The following DHX8 variants were observed in gnomAD, a reference collection of about 807,000 sequenced individuals.
The protein encoded by DHX8 is ATP-dependent RNA helicase DHX8.
In DHX8, 67 loss-of-function variants were observed where a neutral mutation model predicts 140.7. The ratio of observed to expected loss-of-function variants is 0.48; its 90% CI spans 0.39 to 0.58. The LOEUF (loss-of-function observed/expected upper bound fraction) is 0.58. DHX8 is among the 20% of genes least tolerant of loss of function. DHX8 has a pLI of 0.00. For missense variants in DHX8, 887 were observed against 1,550.7 expected, an observed-to-expected ratio of 0.57 and a Z score of 7.19; for synonymous variants, 533 against 553.2, an observed-to-expected ratio of 0.96 and a Z score of 0.51.
chr17:43,544,798 T>C (rs541338496), downstream of DHX8: 4 of 605,092 alleles, frequency 6.6e-6, no homozygotes, highest in South Asian at 8.0e-5. Context: ...AATATAAGTG[T>C]CCACGCTGGG....
At chr17:43,511,456 A>ATTTGTTTTTTTTTTTTTTTTT (rs1969822249) in intron 16 of DHX8, among the ~76,000 whole-genome samples, 1 of 56,790 alleles carries the variant, frequency 1.8e-5, no homozygotes, top group Non-Finnish European at 2.9e-5. Flanking sequence ...TGATCCCAGC[A>ATTTGTTTTTTTTTTTTTTTTT]TTTTTTTTTT....
intron 16 of DHX8, among the ~76,000 whole-genome samples, 185 bp downstream of exon 16, chr17:43,508,705 C>T (rs1363913800): frequency 1.3e-5 from 2 of 151,664 alleles, no homozygotes; most frequent in African/African-American, 2.4e-5. Flanking sequence ...CTGCAAGCTC[C>T]GCCTCCCGGG....
chr17:43,513,885 C>T (rs1291726688), intron 17 of DHX8, among the ~76,000 whole-genome samples: 1 of 151,658 alleles, frequency 6.6e-6, no homozygotes, highest in Admixed American at 6.6e-5. Flanking sequence ...AGCTAATTTT[C>T]TATTTTTAGT....
intron 4 of DHX8, 52 bp from the exon 5 acceptor site, chr17:43,492,131 C>T (rs1221083572): frequency 3.7e-5 from 48 of 1,281,782 alleles, no homozygotes; most frequent in Non-Finnish European, 5.4e-5. Flanking sequence ...GAGGTACATA[C>T]AGATTCTTGA....
chr17:43,487,716 C>G (rs1968250188), intron 1 of DHX8, among the ~76,000 whole-genome samples: 1 of 152,138 alleles, frequency 6.6e-6, no homozygotes, highest in South Asian at 2.1e-4. Flanking sequence ...GTGGCTCATG[C>G]CTGTAATCCC....
intron 11 of DHX8, among the ~76,000 whole-genome samples, chr17:43,502,427 G>A (rs933779535): frequency 1.4e-4 from 22 of 152,124 alleles, no homozygotes; most frequent in African/African-American, 5.3e-4. Context: ...TTTTAGTTTA[G>A]TTTAGTTTAG....
downstream of DHX8, chr17:43,544,691 A>C (rs1971710625): frequency 3.2e-6 from 1 of 313,104 alleles, no homozygotes; most frequent in African/African-American, 2.1e-5. Flanking sequence ...GCCTGGGGCC[A>C]AGTTCCATTC....
chr17:43,498,698 C>T (rs150696664), intron 9 of DHX8, among the ~76,000 whole-genome samples, 164 bp from the exon 10 acceptor site: 1 of 152,320 alleles, frequency 6.6e-6, no homozygotes, highest in African/African-American at 2.4e-5. Flanking sequence ...ATCCTCCTGC[C>T]TCAGCCTGCC....
chr17:43,502,417 T>TTTTAG (rs1044166157), intron 11 of DHX8, among the ~76,000 whole-genome samples: 27 of 152,194 alleles, frequency 1.8e-4, no homozygotes, highest in African/African-American at 5.8e-4. Flanking sequence ...TGTTTTGTTA[T>TTTTAG]TTTAGTTTAG....
At chr17:43,533,569 G>A (rs766985822) in intron 2 of DHX8, among the ~76,000 whole-genome samples, 12 of 151,946 alleles carry the variant, frequency 7.9e-5, no homozygotes, top group Non-Finnish European at 1.8e-4. Flanking sequence ...GAACCCCTGG[G>A]ATTCATACAG....
chr17:43,507,078 C>A lies in DHX8; in HGVS notation c.1804C>A (p.Leu602Met). Residue 602 changes from leucine to methionine, a missense_variant, in exon 13 of 23, where the codon CTG (leucine) becomes ATG (methionine). By Grantham distance (15) the Leu-to-Met change is conservative. Coordinates refer to ENST00000262415, the MANE Select transcript of DHX8 (RefSeq NM_004941.3). ...SGKTTQITQY[L>M]AEAGYTSRGK... ...AAAGACAACACAGATCACCCAGTAC[C>A]TGGCGGAGGCAGGCTACACTTCCAG... 1 of 1,614,066 alleles carries A rather than the reference C, an allele frequency of 6.2e-7. No homozygotes were observed. The highest frequency in any genetic ancestry group is 8.5e-7 in the Non-Finnish European group (1 of 1,180,010).
intron 12 of DHX8, among the ~76,000 whole-genome samples, chr17:43,505,587 G>A (rs1203650744): frequency 2.0e-5 from 3 of 152,000 alleles, no homozygotes; most frequent in Non-Finnish European, 2.9e-5. Flanking sequence ...TTGTGTGTGC[G>A]TGTACAGACA....
At chr17:43,543,072 G>C (rs1484576652) in intron 3 of DHX8, among the ~76,000 whole-genome samples, 1 of 152,052 alleles carries the variant, frequency 6.6e-6, no homozygotes, top group Admixed American at 6.6e-5. Flanking sequence ...AAGTGAGAAG[G>C]AGCGATCGGC....
In DHX8 at chr17:43,507,829, C is replaced by T. The variant is rs62080715; in HGVS notation, c.2130C>T (p.Asp710=). The T allele has an allele frequency of 6.2e-7, 1 of 1,614,188 alleles. No homozygotes were observed. The highest frequency in any genetic ancestry group is 8.5e-7 in the Non-Finnish European group (1 of 1,180,038). ...TTCAGACAGTTCAGAAACGGCAGGA[C>T]ATGAAGCTGATTGTCACCTCAGCCA... is the stretch of plus-strand genomic sequence containing the variant. The part of the protein sequence containing the change: ...LLKKTVQKRQ[D]MKLIVTSATL... Residue 710 remains aspartate, a synonymous_variant, in exon 15 of 23, where the codon GAC becomes GAT. Coordinates refer to ENST00000262415, the MANE Select transcript of DHX8 (RefSeq NM_004941.3).
intron 1 of DHX8, 125 bp downstream of exon 1, chr17:43,484,310 C>T: frequency 8.4e-7 from 1 of 1,185,340 alleles, no homozygotes; most frequent in Non-Finnish European, 1.2e-6. Flanking sequence ...CTCTCTGTCG[C>T]AGACACCGGT....
At chr17:43,513,319 G>A (rs1409112264) in intron 16 of DHX8, 43 bp from the exon 17 acceptor site, 7 of 1,602,532 alleles carry the variant, frequency 4.4e-6, no homozygotes, top group Non-Finnish European at 6.0e-6. Context: ...CCTCAGGGCT[G>A]AGCCTGGGCA....
chr17:43,489,459 G>C lies in DHX8; in HGVS notation c.159G>C (p.Val53=). 1.2e-6 allele frequency: 2 copies of C among 1,604,596 alleles called. No individual in the cohort carries two copies. The highest frequency in any genetic ancestry group is 8.5e-7 in the Non-Finnish European group (1 of 1,176,392). Residue 53 remains valine, a synonymous_variant, in exon 2 of 23, where the codon GTG becomes GTC. Transcript: ENST00000262415. The part of the protein sequence containing the change: ...GINDKDLAEF[V]ISLAEKNTTF... The stretch of plus-strand genomic sequence containing the variant: ...GTTTCTTATTTGCAGCTGAATTTGT[G>C]ATCAGTCTTGCTGAGAAAAATACCA...
At chr17:43,533,346 G>A (rs776144344) in intron 2 of DHX8, 2 of 1,612,418 alleles carry the variant, frequency 1.2e-6, no homozygotes, top group African/African-American at 2.7e-5. Flanking sequence ...GGGGTCATAG[G>A]CACTGGAGTT....
chr17:43,506,490 G>A (rs1050714845), intron 12 of DHX8, among the ~76,000 whole-genome samples: 3 of 151,880 alleles, frequency 2.0e-5, no homozygotes, highest in African/African-American at 4.8e-5. Context: ...GTGCTGGCGG[G>A]CACTTGCAGT....
Sources: allele counts gnomAD v4.1 joint callset (sites outside exome capture counted in the v4.1 genomes callset), GRCh38; gene constraint gnomAD v4.1.1; transcripts MANE v1.5; gene names NCBI Gene and HGNC (gene_info 2026-07-23, HGNC 2026-07-21).